Variants in CCDC102B observed in about 807,000 individuals in gnomAD.
CCDC102B encodes the protein coiled-coil domain containing 102B, also known as coiled-coil domain-containing protein 102B.
Under a neutral mutation model 57.4 loss-of-function variants are expected in CCDC102B, and 75 were observed. That is an observed-to-expected ratio of 1.31 (90% CI 1.08 to 1.58). CCDC102B has a LOEUF of 1.58. Among genes scored for constraint, CCDC102B ranks in the 40% most tolerant of loss-of-function variants. The pLI is 0.00. For synonymous variants in CCDC102B, 206 were observed against 201.9 expected, an observed-to-expected ratio of 1.02 and a Z score of -0.17; for missense variants, 636 against 582.6, an observed-to-expected ratio of 1.09 and a Z score of -0.94.
At chr18:68,878,667 A>G (rs1250633138) in intron 5 of CCDC102B, among the ~76,000 whole-genome samples, 1 of 152,186 alleles carries the variant, frequency 6.6e-6, no homozygotes, top group East Asian at 1.9e-4. Context: ...TACAAAATCT[A>G]CTGGCAACTT....
chr18:68,993,034 C>A lies in CCDC102B; in HGVS notation c.1264-17900C>A, dbSNP rs1599810338. ...TGACCCTGTCTCCAGCTGTCTGGCA[C>A]CAGCCCTGCAGCTGCTGCTCAAAAG... On this transcript the variant is annotated intron_variant, in intron 6 of 7. Transcript: ENST00000360242. The A allele has an allele frequency of 2.6e-5, 4 of 156,780 alleles. No individual in the cohort carries two copies. The South Asian group carries it at 6.7e-4, about 26-fold the overall frequency. The allele number at this position is 156,780 out of a possible 1,614,324, so 9.7% of individuals were successfully genotyped here.
intron 6 of CCDC102B, among the ~76,000 whole-genome samples, chr18:68,964,615 C>T (rs950617368): frequency 6.6e-6 from 1 of 151,780 alleles, no homozygotes; most frequent in South Asian, 2.1e-4. Context: ...CTTTCTCCAT[C>T]GTTTCTCTTT....
chr18:68,890,576 C>T (rs1490501200), intron 5 of CCDC102B, among the ~76,000 whole-genome samples: 3 of 152,156 alleles, frequency 2.0e-5, no homozygotes, highest in African/African-American at 4.8e-5. Context: ...CTGTATAATG[C>T]ACTCCCTTAC....
intron 6 of CCDC102B, among the ~76,000 whole-genome samples, chr18:68,964,201 C>T (rs1429605002): frequency 6.6e-6 from 1 of 151,806 alleles, no homozygotes; most frequent in Non-Finnish European, 1.5e-5. Context: ...GTTTGCAGTA[C>T]ATTCTGGGAT....
intron 5 of CCDC102B, among the ~76,000 whole-genome samples, chr18:68,882,633 G>GT (rs1339531653): frequency 6.6e-6 from 1 of 152,196 alleles, no homozygotes; most frequent in Non-Finnish European, 1.5e-5. Flanking sequence ...TCATTTAAAC[G>GT]TTTTTTCTCA....
At chr18:68,878,453 ATG>A (rs766606104) in intron 5 of CCDC102B, among the ~76,000 whole-genome samples, 1 of 152,058 alleles carries the variant, frequency 6.6e-6, no homozygotes, top group African/African-American at 2.4e-5. Flanking sequence ...TATGGTCTGA[ATG>A]TGTGTGTGTT....
At position 68,896,210 on chromosome 18, in the gene CCDC102B, G is replaced by A. The variant is rs568107981; in HGVS notation, c.1054-1009G>A. 1.2e-3 allele frequency among the ~76,000 whole-genome samples: 179 copies of A among 151,982 alleles called. 1 individual carries two copies. Among genetic ancestry groups the A allele is most frequent in the African/African-American group, 4.2e-3 (175 of 41,500 alleles). On this transcript the variant is annotated intron_variant, in intron 5 of 7. Transcript: ENST00000360242. ...TGTCCACAGAAAAATTATAGCAGAC[G>A]AATATAATTTCATCTCATAATAATA...
chr18:68,981,397 G>A lies in CCDC102B; in HGVS notation c.1264-29537G>A, dbSNP rs147470499. On this transcript the variant is annotated intron_variant, in intron 6 of 7. Coordinates refer to ENST00000360242, the MANE Select transcript of CCDC102B (RefSeq NM_024781.3). ...TTAAGAAGAGACATGAGGCATAAGG[G>A]ACAGGACGATGGTGTGAAAGTCTTG... Among the ~76,000 whole-genome samples the A allele has an allele frequency of 3.9e-5, 6 of 152,086 alleles. No homozygotes were observed. In the East Asian group the frequency reaches 1.2e-3, roughly 30 times the overall value.
At chr18:69,018,967 C>A (rs972830325) in intron 7 of CCDC102B, among the ~76,000 whole-genome samples, 3 of 151,994 alleles carry the variant, frequency 2.0e-5, no homozygotes, top group Non-Finnish European at 4.4e-5. Context: ...ATCCAGCTAT[C>A]CCAACACTAC....
chr18:68,913,894 C>T (rs1568327893), intron 6 of CCDC102B, among the ~76,000 whole-genome samples: 1 of 152,088 alleles, frequency 6.6e-6, no homozygotes, highest in Admixed American at 6.5e-5. Context: ...ATGCTCTTAT[C>T]TCCTGCAGCA....
intron 5 of CCDC102B, among the ~76,000 whole-genome samples, chr18:68,888,866 G>C (rs2039977355): frequency 6.6e-6 from 1 of 152,130 alleles, no homozygotes; most frequent in South Asian, 2.1e-4. Context: ...ATAACATTTT[G>C]ATTCCTGAAT....
intron 6 of CCDC102B, among the ~76,000 whole-genome samples, chr18:68,990,176 C>G (rs1039258821): frequency 2.6e-5 from 4 of 152,318 alleles, no homozygotes; most frequent in Admixed American, 2.6e-4. Context: ...CCCCCAAACT[C>G]CTAGTGGCAC....
chr18:68,874,180 G>A (rs1010495078), intron 4 of CCDC102B, among the ~76,000 whole-genome samples: 1 of 117,406 alleles, frequency 8.5e-6, no homozygotes, highest in African/African-American at 3.0e-5. Context: ...ATGTGTGTGT[G>A]TGTGTGTGTG....
chr18:68,733,974 A>ACAG (rs751295089), intron 2 of CCDC102B, among the ~76,000 whole-genome samples: 4 of 152,212 alleles, frequency 2.6e-5, no homozygotes, highest in African/African-American at 9.7e-5. Context: ...AGGAGAGGTC[A>ACAG]CAGATACACT....
intron 6 of CCDC102B, among the ~76,000 whole-genome samples, chr18:68,998,895 C>T (rs1456900948): frequency 1.3e-5 from 2 of 151,664 alleles, no homozygotes; most frequent in Admixed American, 6.6e-5. Flanking sequence ...CTCACAGACA[C>T]ACCCAGGAAC....
At chr18:68,793,027 G>T (rs1269096270) in intron 2 of CCDC102B, among the ~76,000 whole-genome samples, 1 of 152,062 alleles carries the variant, frequency 6.6e-6, no homozygotes. Flanking sequence ...ACTGTATCTG[G>T]GCACACACAG....
At chr18:68,995,039 C>T (rs952659800) in intron 6 of CCDC102B, among the ~76,000 whole-genome samples, 2 of 152,160 alleles carry the variant, frequency 1.3e-5, no homozygotes, top group Non-Finnish European at 2.9e-5. Flanking sequence ...GAAGTTCAGG[C>T]TGAGGTGGTC....
chr18:68,832,635 A>G (rs942909925), intron 1 of CCDC102B, among the ~76,000 whole-genome samples: 14 of 151,268 alleles, frequency 9.3e-5, no homozygotes, highest in African/African-American at 3.4e-4. Flanking sequence ...AGAAACTAAG[A>G]ACCCAAGACT....
intron 6 of CCDC102B, among the ~76,000 whole-genome samples, chr18:68,906,657 T>C (rs2040654683): frequency 6.6e-6 from 1 of 152,242 alleles, no homozygotes; most frequent in Non-Finnish European, 1.5e-5. Flanking sequence ...TTATGTGTAC[T>C]CAAACTCTTT....
Sources: gnomAD v4.1 joint callset for allele counts (sites outside exome capture counted in the v4.1 genomes callset) on GRCh38, gnomAD v4.1.1 for gene constraint, MANE v1.5 for transcripts, NCBI Gene and HGNC (gene_info 2026-07-23, HGNC 2026-07-21) for gene names.